CNTN1: variants seen among roughly 807,000 people sequenced by gnomAD.
The protein encoded by CNTN1 is contactin 1.
A neutral mutation model predicts 126.4 loss-of-function variants in CNTN1; 38 were observed. The ratio of observed to expected loss-of-function variants is 0.30; its 90% CI spans 0.23 to 0.39. CNTN1 has a LOEUF of 0.39. Among genes scored for constraint, CNTN1 ranks in the 10% least tolerant of loss-of-function variants. CNTN1 has a pLI of 1.00. For missense variants in CNTN1, 1,009 were observed against 1,248.4 expected (o/e 0.81, Z 2.89); for synonymous variants, 413 against 422.6 (o/e 0.98, Z 0.28).
Position 40,959,294 on chromosome 12 carries a change from T to C in CNTN1, c.1804+60T>C, listed in dbSNP as rs1025823430. The C allele has an allele frequency of 5.1e-6, 8 of 1,573,328 alleles. 1 individual carries two copies. The African/African-American group carries it at 1.1e-4, about 21-fold the overall frequency. ...AAAGTATTTGACTTGCATAAACATG[T>C]ATAATCTTCTGGTAACTCTGGTGCA... is the stretch of plus-strand genomic sequence containing the variant. On this transcript the variant is annotated intron_variant, in intron 15 of 23. Transcript: ENST00000551295.
intron 1 of CNTN1, among the ~76,000 whole-genome samples, chr12:40,896,951 C>T (rs576627486): frequency 4.6e-5 from 7 of 152,286 alleles, no homozygotes; most frequent in Admixed American, 2.0e-4. Flanking sequence ...ATAATAGTAG[C>T]TACATCATTT....
intron 1 of CNTN1, among the ~76,000 whole-genome samples, chr12:40,736,679 A>G (rs1937701435): frequency 6.6e-6 from 1 of 152,148 alleles, no homozygotes; most frequent in Non-Finnish European, 1.5e-5. Context: ...GAATGAAAAT[A>G]AATAATTTCG....
chr12:40,870,435 G>T lies in CNTN1; in HGVS notation c.-76-37922G>T, dbSNP rs534008311. On this transcript the variant is annotated intron_variant, in intron 1 of 23. Coordinates refer to ENST00000551295, the MANE Select transcript of CNTN1 (RefSeq NM_001843.4). ...ATAATTTATATGTATAGTTTAATTT[G>T]CAGTCTAGGGAGACTTGGTATATAA... is the stretch of plus-strand genomic sequence containing the variant. Among the ~76,000 whole-genome samples, 5 of 152,062 alleles carry T rather than the reference G, an allele frequency of 3.3e-5. No individual in the cohort carries two copies. The East Asian group carries it at 9.6e-4, about 29-fold the overall frequency.
chr12:40,990,990 C>A (rs536468265), intron 16 of CNTN1, among the ~76,000 whole-genome samples: 1 of 152,190 alleles, frequency 6.6e-6, no homozygotes, highest in Non-Finnish European at 1.5e-5. Flanking sequence ...TATAAACTCA[C>A]AAATAGCTCC....
chr12:40,957,653 A>T (rs1165484436), intron 14 of CNTN1, among the ~76,000 whole-genome samples: 1 of 150,600 alleles, frequency 6.6e-6, no homozygotes, highest in Non-Finnish European at 1.5e-5. Flanking sequence ...AAGGAAAAAA[A>T]CTCCCCTATT....
intron 1 of CNTN1, among the ~76,000 whole-genome samples, chr12:40,708,727 T>C (rs1323270323): frequency 1.3e-5 from 2 of 152,200 alleles, no homozygotes; most frequent in African/African-American, 4.8e-5. Context: ...TTACTTGCCA[T>C]TTCAACAATG....
At chr12:40,942,203 A>G (rs1296785069) in intron 12 of CNTN1, among the ~76,000 whole-genome samples, 1 of 152,152 alleles carries the variant, frequency 6.6e-6, no homozygotes, top group Non-Finnish European at 1.5e-5. Context: ...AGTGTGACCC[A>G]TTAATATTGG....
intron 20 of CNTN1, among the ~76,000 whole-genome samples, chr12:41,024,337 C>T (rs1948990879): frequency 6.6e-6 from 1 of 151,686 alleles, no homozygotes; most frequent in Admixed American, 6.6e-5. Flanking sequence ...TCTTTTTATT[C>T]TTATATTACA....
chr12:40,839,850 C>T (rs1942207119), intron 1 of CNTN1, among the ~76,000 whole-genome samples: 1 of 152,050 alleles, frequency 6.6e-6, no homozygotes. Flanking sequence ...AATAATAATA[C>T]AAAGGAGGAA....
At chr12:40,845,806 C>T (rs551993559) in intron 1 of CNTN1, among the ~76,000 whole-genome samples, 28 of 152,258 alleles carry the variant, frequency 1.8e-4, no homozygotes, top group Non-Finnish European at 3.8e-4. Context: ...CCCCAACCCC[C>T]ATAACTTGCC....
rs149497451 is a variant in CNTN1 at position 40,955,978 on chromosome 12, A to T, written c.1684-3136A>T. 1.4e-4 allele frequency among the ~76,000 whole-genome samples: 21 copies of T among 152,180 alleles called. 1 individual carries two copies. The highest frequency in any genetic ancestry group is 4.8e-4 in the African/African-American group (20 of 41,548). ...TCACTGTGGCTGGGGCACAGGAGTT[A>T]GGTGCAGGGGTAATCTGTGGAGGCT... On this transcript the variant is annotated intron_variant, in intron 14 of 23. Coordinates refer to ENST00000551295, the MANE Select transcript of CNTN1 (RefSeq NM_001843.4).
At chr12:40,975,015 A>G (rs1378406229) in intron 15 of CNTN1, among the ~76,000 whole-genome samples, 5 of 151,782 alleles carry the variant, frequency 3.3e-5, no homozygotes, top group Non-Finnish European at 5.9e-5. Flanking sequence ...AGACAGGCAC[A>G]TTTAAGCTGT....
rs201037986 is a variant in CNTN1 at position 40,929,811 on chromosome 12, G to A, written c.512G>A (p.Arg171His). Residue 171 changes from arginine (R) to histidine (H), a missense_variant, in exon 7 of 24, where the codon CGC becomes CAC. Transcript: ENST00000551295. ...PYHFPDDLSY[R>H]WLLNEFPVFI... ...TTTCTCCTAGATGATCTTAGCTATC[G>A]CTGGCTTCTAAATGAATTTCCTGTA... 1.4e-5 allele frequency: 22 copies of A among 1,611,402 alleles called. No individual in the cohort carries two copies. The highest frequency in any genetic ancestry group is 2.2e-5 in the East Asian group (1 of 44,814).
chr12:40,812,795 G>A (rs1486456692), intron 1 of CNTN1, among the ~76,000 whole-genome samples: 3 of 152,030 alleles, frequency 2.0e-5, no homozygotes, highest in Non-Finnish European at 4.4e-5. Flanking sequence ...TGAGTCTCTT[G>A]TAGGTAGCAT....
chr12:41,047,546 G>A (rs1416632595), intron 23 of CNTN1, among the ~76,000 whole-genome samples: 1 of 151,700 alleles, frequency 6.6e-6, no homozygotes, highest in Non-Finnish European at 1.5e-5. Flanking sequence ...TGCCTAAAAA[G>A]CTCTGCTTGG....
chr12:40,719,428 T>C (rs1942135755), intron 1 of CNTN1, among the ~76,000 whole-genome samples: 2 of 152,210 alleles, frequency 1.3e-5, no homozygotes, highest in African/African-American at 2.4e-5. Flanking sequence ...CTAAGCTTTT[T>C]ATAAGCAAAT....
chr12:40,803,955 C>T (rs1337105803), intron 1 of CNTN1, among the ~76,000 whole-genome samples: 1 of 151,976 alleles, frequency 6.6e-6, no homozygotes, highest in Non-Finnish European at 1.5e-5. Flanking sequence ...AGCTATGATT[C>T]ACTTACAATT....
intron 17 of CNTN1, among the ~76,000 whole-genome samples, chr12:41,002,616 G>C (rs1948391822): frequency 6.9e-6 from 1 of 145,404 alleles, no homozygotes; most frequent in Admixed American, 7.0e-5. Context: ...GGAGTGCAGT[G>C]GTGCAATCTC....
chr12:40,807,177 C>T (rs1940892003), intron 1 of CNTN1, among the ~76,000 whole-genome samples: 1 of 152,046 alleles, frequency 6.6e-6, no homozygotes, highest in Non-Finnish European at 1.5e-5. Flanking sequence ...AATGAAATAA[C>T]ATATATTCCC....
Sources: gnomAD v4.1 joint callset for allele counts (sites outside exome capture counted in the v4.1 genomes callset) on GRCh38, gnomAD v4.1.1 for gene constraint, MANE v1.5 for transcripts, NCBI Gene and HGNC (gene_info 2026-07-23, HGNC 2026-07-21) for gene names.